Variants in ABL1 observed in about 807,000 individuals in gnomAD.
ABL1 encodes tyrosine-protein kinase ABL1.
A neutral mutation model predicts 94.7 loss-of-function variants in ABL1; 11 were observed. The ratio of observed to expected loss-of-function variants is 0.12; its 90% CI spans 0.07 to 0.19. The LOEUF (loss-of-function observed/expected upper bound fraction) is 0.19. Among genes scored for constraint, ABL1 ranks in the 10% least tolerant of loss-of-function variants. The probability of loss-of-function intolerance (pLI) is 1.00; values close to 1 mark genes in which losing one functional copy is unlikely to be tolerated. For synonymous variants in ABL1, 656 were observed against 622.4 expected (o/e 1.05, Z -0.80); for missense variants, 1,082 against 1,489.4 (o/e 0.73, Z 4.50).
At chr9:130,828,392 AC>A (rs1830454754) in intron 1 of ABL1, among the ~76,000 whole-genome samples, 1 of 152,236 alleles carries the variant, frequency 6.6e-6, no homozygotes, top group Non-Finnish European at 1.5e-5. Context: ...AATATTAAAA[AC>A]ATTATAGCCC....
chr9:130,731,084 G>A lies in ABL1; in HGVS notation c.136+16629G>A, dbSNP rs545528149. Among the ~76,000 whole-genome samples, 13 of 124,796 alleles carry A rather than the reference G, an allele frequency of 1.0e-4. No homozygotes were observed. In the South Asian group the frequency reaches 2.7e-3, roughly 26 times the overall value. 81.9% of individuals were successfully genotyped at this position (124,796 alleles called of 152,430 possible). Reference sequence around the variant, plus strand: ...TACAGTGGTGTGATCTCGGCTCACTGCAACCTCCGCCTCCCAGGTTCAAGA... The same window carrying A: ...TACAGTGGTGTGATCTCGGCTCACTACAACCTCCGCCTCCCAGGTTCAAGA... On this transcript the variant is annotated intron_variant, in intron 1 of 10. Transcript: ENST00000372348.
At chr9:130,874,819 G>A (rs1831313994) in intron 6 of ABL1, 49 bp from the exon 7 acceptor site, 2 of 1,588,686 alleles carry the variant, frequency 1.3e-6, no homozygotes, top group African/African-American at 2.7e-5. Flanking sequence ...GATTTGTGAA[G>A]TGGAAGGTTG....
intron 3 of ABL1, among the ~76,000 whole-genome samples, chr9:130,859,433 G>C (rs781690759): frequency 6.6e-6 from 1 of 151,994 alleles, no homozygotes; most frequent in African/African-American, 2.4e-5. Flanking sequence ...GTGAAAAGCC[G>C]AGCACATGGC....
At chr9:130,841,008 A>G (rs189350813) in intron 1 of ABL1, among the ~76,000 whole-genome samples, 66 of 152,358 alleles carry the variant, frequency 4.3e-4, no homozygotes, top group Non-Finnish European at 8.2e-4. Flanking sequence ...TCAGATGGGT[A>G]GAATCGTTAC....
chr9:130,786,990 C>T (rs2132798290), intron 1 of ABL1, among the ~76,000 whole-genome samples: 1 of 152,294 alleles, frequency 6.6e-6, no homozygotes, highest in South Asian at 2.1e-4. Context: ...TCAGGGCCAC[C>T]ATGGCTTTTT....
intron 1 of ABL1, among the ~76,000 whole-genome samples, chr9:130,718,369 A>C (rs1049812907): frequency 2.6e-5 from 4 of 151,872 alleles, no homozygotes; most frequent in African/African-American, 9.7e-5. Flanking sequence ...TTGATGTAGC[A>C]TCAAAGAACA....
intron 1 of ABL1, among the ~76,000 whole-genome samples, chr9:130,826,805 G>A (rs1361982935): frequency 3.9e-5 from 6 of 152,248 alleles, no homozygotes; most frequent in South Asian, 2.1e-4. Context: ...CCGGCCGGGC[G>A]CGGTGGCTCA....
At chr9:130,803,559 C>T (rs1006440592) in intron 1 of ABL1, among the ~76,000 whole-genome samples, 1 of 151,996 alleles carries the variant, frequency 6.6e-6, no homozygotes, top group Admixed American at 6.6e-5. Flanking sequence ...TTTGTTAAAA[C>T]GATTCCTGAA....
intron 1 of ABL1, among the ~76,000 whole-genome samples, chr9:130,841,340 C>T (rs1474824206): frequency 1.3e-5 from 2 of 151,768 alleles, no homozygotes; most frequent in Non-Finnish European, 2.9e-5. Flanking sequence ...ATCTCCTGAC[C>T]TCGTGATCCG....
chr9:130,857,935 G>A (rs572327470), intron 3 of ABL1, among the ~76,000 whole-genome samples: 2 of 152,194 alleles, frequency 1.3e-5, no homozygotes, highest in South Asian at 4.2e-4. Context: ...ACGTACTTCA[G>A]GACATTGGGC....
rs2133024445 is a variant in ABL1 at position 130,880,592 on chromosome 9, A to G, written c.1606A>G (p.Arg536Gly). Residue 536 changes from arginine to glycine, a missense_variant, in exon 10 of 11, where the codon AGG (arginine) becomes GGG (glycine). Arg to Gly is a moderately radical substitution (Grantham distance 125). Around this residue, in one of 7 missense-constraint regions of ABL1, gnomAD observed 780 missense variants for 835.8 expected, o/e 0.93. Coordinates refer to ENST00000318560, the MANE Select transcript of ABL1 (RefSeq NM_005157.6). This position sits in a 1 kb window ranked among gnomAD's most constrained non-coding sequence, Gnocchi z 4.4. The part of the protein sequence containing the change: ...PELPTKTRTS[R>G]RAAEHRDTTD... ...GCTGCCCACCAAGACGAGGACCTCC[A>G]GGAGAGCTGCAGAGCACAGAGACAC... 6.2e-7 allele frequency: 1 copy of G among 1,613,294 alleles called. No individual in the cohort carries two copies. The highest frequency in any genetic ancestry group is 8.5e-7 in the Non-Finnish European group (1 of 1,179,766).
chr9:130,752,427 G>T (rs761208949), intron 1 of ABL1, among the ~76,000 whole-genome samples: 12 of 152,090 alleles, frequency 7.9e-5, no homozygotes, highest in Non-Finnish European at 1.6e-4. Context: ...GGCACTCAAG[G>T]TCTTCTCTGA....
chr9:130,798,433 T>C (rs1830009245), intron 1 of ABL1, among the ~76,000 whole-genome samples: 1 of 152,196 alleles, frequency 6.6e-6, no homozygotes, highest in African/African-American at 2.4e-5. Context: ...CTGTAACATA[T>C]TCCTATGAAG....
chr9:130,809,131 A>G (rs1209803600), intron 1 of ABL1, among the ~76,000 whole-genome samples: 2 of 152,222 alleles, frequency 1.3e-5, no homozygotes, highest in African/African-American at 4.8e-5. Context: ...AGAGATGCAC[A>G]GAGAAGAGAA....
chr9:130,881,553 T>C (rs944984028), intron 10 of ABL1, among the ~76,000 whole-genome samples: 4 of 152,154 alleles, frequency 2.6e-5, no homozygotes, highest in African/African-American at 7.2e-5. Flanking sequence ...GTGAGACTTA[T>C]TCACTACCAC....
At position 130,766,507 on chromosome 9, in the gene ABL1, G is replaced by A. The variant is rs1005754014; in HGVS notation, c.136+52052G>A. ...CCCGTGGTTAGGAAGATGAGGAAGT[G>A]TAGGCACTTGCAGGGGCCTTTTCTT... is the stretch of plus-strand genomic sequence containing the variant. On this transcript the variant is annotated intron_variant, in intron 1 of 10. Transcript: ENST00000372348. Among the ~76,000 whole-genome samples the A allele has an allele frequency of 1.3e-5, 2 of 152,192 alleles. 1 individual carries two copies. Among genetic ancestry groups the A allele is most frequent in the African/African-American group, 4.8e-5 (2 of 41,458 alleles).
At chr9:130,876,733 CTTT>C (rs755840936) in intron 7 of ABL1, among the ~76,000 whole-genome samples, 27 of 83,194 alleles carry the variant, frequency 3.2e-4, no homozygotes, top group African/African-American at 1.4e-3. Flanking sequence ...AAGTTGGTTT[CTTT>C]TTTTTTTTTT....
At chr9:130,769,847 TTCTC>T (rs909453512) in intron 1 of ABL1, among the ~76,000 whole-genome samples, 2 of 152,146 alleles carry the variant, frequency 1.3e-5, no homozygotes, top group Non-Finnish European at 2.9e-5. Flanking sequence ...TAGTCATCCT[TTCTC>T]TCTTCTCCCA....
chr9:130,873,133 G>A lies in ABL1; in HGVS notation c.1085+96G>A, dbSNP rs552867208. 2.9e-5 allele frequency: 38 copies of A among 1,307,514 alleles called. No individual in the cohort carries two copies. In the South Asian group the frequency reaches 4.3e-4, roughly 15 times the overall value. 81.0% of individuals were successfully genotyped at this position (1,307,514 alleles called of 1,614,324 possible). A position where few individuals can be genotyped will look rare whatever the true frequency, so the allele number is the denominator to read the frequency against. ...GCCCCAGCCTAGGAGGTCTCAGGGC[G>A]CAGCTTCTAACCTCAGTGCTGGCAA... On this transcript the variant is annotated intron_variant, in intron 6 of 10. Transcript: ENST00000318560.
Sources: allele counts gnomAD v4.1 joint callset (sites outside exome capture counted in the v4.1 genomes callset), GRCh38; gene constraint gnomAD v4.1.1; regional missense constraint gnomAD v4.1.1; non-coding constraint Gnocchi (gnomAD v3.1); transcripts MANE v1.5; gene names NCBI Gene and HGNC (gene_info 2026-07-23, HGNC 2026-07-21).